The following PTPN13 variants were observed in gnomAD, a reference collection of about 807,000 sequenced individuals.
PTPN13 encodes protein tyrosine phosphatase non-receptor type 13.
A neutral mutation model predicts 284.0 loss-of-function variants in PTPN13; 191 were observed. The observed-to-expected ratio is 0.67, with a 90% CI of 0.60 to 0.76. The LOEUF (loss-of-function observed/expected upper bound fraction) is 0.76, where lower values mean the gene tolerates loss of function less well. PTPN13 is among the 30% of genes least tolerant of loss of function. The pLI, the probability that PTPN13 is intolerant of heterozygous loss-of-function variation, is 0.00. For synonymous variants in PTPN13, 986 were observed against 1,022.3 expected (o/e 0.96, Z 0.68); for missense variants, 2,797 against 2,939.9 (o/e 0.95, Z 1.12).
At chr4:86,608,966 G>T (rs1305338711) in intron 1 of PTPN13, among the ~76,000 whole-genome samples, 1 of 152,092 alleles carries the variant, frequency 6.6e-6, no homozygotes, top group African/African-American at 2.4e-5. Flanking sequence ...TTTCAGTAGG[G>T]CTGGATGCTT....
rs1481129455 is a variant in PTPN13 at position 86,771,335 on chromosome 4, T to C, written c.4968T>C (p.Ser1656=). The change falls in exon 31 of 48, where the codon AGT becomes AGC. Residue 1656 remains serine (S), a synonymous_variant. Transcript: ENST00000411767. ...GAAGAGACAGTTACAGTGACAGCAG[T>C]GGGAGTGGAGAAGATGACTTAGTGA... ...PSRRDSYSDS[S]GSGEDDLVTA... The C allele has an allele frequency of 6.3e-7, 1 of 1,595,456 alleles. No individual in the cohort carries two copies. The highest frequency in any genetic ancestry group is 8.5e-7 in the Non-Finnish European group (1 of 1,170,772).
At chr4:86,764,967 G>A (rs1356351072) in intron 25 of PTPN13, among the ~76,000 whole-genome samples, 4 of 152,104 alleles carry the variant, frequency 2.6e-5, no homozygotes, top group Admixed American at 2.0e-4. Context: ...TGCTTTATCT[G>A]AATATAAAAC....
In PTPN13 at chr4:86,686,705, C is replaced by T; in HGVS notation, c.295-5C>T. 1.3e-6 allele frequency: 2 copies of T among 1,535,648 alleles called. No homozygotes were observed. Among genetic ancestry groups the T allele is most frequent in the Non-Finnish European group, 1.8e-6 (2 of 1,132,236 alleles). ...AAAATTATTTCTTAAAAATTCTATT[C>T]CTAGATCCACATTTATTCTCTTGGA... is the stretch of plus-strand genomic sequence containing the variant. On this transcript the variant is annotated splice_polypyrimidine_tract_variant and splice_region_variant and intron_variant, in intron 3 of 47. Transcript: ENST00000411767.
intron 20 of PTPN13, among the ~76,000 whole-genome samples, chr4:86,754,878 T>C (rs1195612863): frequency 6.6e-6 from 1 of 152,044 alleles, no homozygotes; most frequent in African/African-American, 2.4e-5. Flanking sequence ...CACCTTCATA[T>C]AGAGGTATGC....
intron 46 of PTPN13, 114 bp downstream of exon 46, chr4:86,810,098 C>T: frequency 1.4e-6 from 1 of 736,764 alleles, no homozygotes; most frequent in South Asian, 2.4e-5. Flanking sequence ...TATATGACTG[C>T]CTTCATTTTC....
intron 10 of PTPN13, 117 bp downstream of exon 10, chr4:86,722,551 G>T: frequency 1.4e-6 from 1 of 719,144 alleles, no homozygotes; most frequent in Non-Finnish European, 2.4e-6. Flanking sequence ...AGATGAAACT[G>T]AAATCCCATA....
rs532975101 is a variant in PTPN13 at position 86,782,176 on chromosome 4, C to G, written c.5963-25C>G. 3.7e-4 allele frequency: 575 copies of G among 1,559,002 alleles called. 10 individuals are homozygous for G. In the South Asian group the frequency reaches 5.9e-3, roughly 16 times the overall value. On this transcript the variant is annotated intron_variant, in intron 36 of 47. Coordinates refer to ENST00000411767, the MANE Select transcript of PTPN13 (RefSeq NM_080683.3). ...CTTGTGGTTTGGATTGGCTCATCCC[C>G]TTACTTCCTATATTGTCCTTTCAGG...
At chr4:86,638,451 A>T (rs573491721) in intron 2 of PTPN13, among the ~76,000 whole-genome samples, 2 of 152,310 alleles carry the variant, frequency 1.3e-5, no homozygotes, top group Admixed American at 6.5e-5. Flanking sequence ...ACAGTAACCA[A>T]AACAGCATGG....
At chr4:86,627,886 A>G (rs113359491) in intron 1 of PTPN13, among the ~76,000 whole-genome samples, 1 of 152,224 alleles carries the variant, frequency 6.6e-6, no homozygotes, top group East Asian at 1.9e-4. Flanking sequence ...TGTCACATGT[A>G]TCAGTAATAA....
chr4:86,717,579 A>G (rs1343337783), intron 9 of PTPN13, among the ~76,000 whole-genome samples: 4 of 152,042 alleles, frequency 2.6e-5, no homozygotes, highest in Non-Finnish European at 4.4e-5. Context: ...GTTCTCAGAA[A>G]TTCATCAATT....
chr4:86,668,176 C>G (rs555230918), intron 2 of PTPN13, among the ~76,000 whole-genome samples: 1 of 152,256 alleles, frequency 6.6e-6, no homozygotes, highest in Admixed American at 6.5e-5. Context: ...CAGATTTACT[C>G]TTTCATAATA....
intron 1 of PTPN13, among the ~76,000 whole-genome samples, chr4:86,606,170 A>G (rs1764723133): frequency 6.6e-6 from 1 of 151,884 alleles, no homozygotes; most frequent in Non-Finnish European, 1.5e-5. Flanking sequence ...CTTTTTTAGA[A>G]CAAGCGCCAA....
intron 20 of PTPN13, among the ~76,000 whole-genome samples, chr4:86,755,301 T>C (rs1024064058): frequency 6.6e-6 from 1 of 151,824 alleles, no homozygotes; most frequent in Non-Finnish European, 1.5e-5. Context: ...AAAGGTGATA[T>C]GGAAAGGATT....
intron 40 of PTPN13, among the ~76,000 whole-genome samples, chr4:86,787,983 C>G (rs569160573): frequency 7.2e-5 from 11 of 152,232 alleles, no homozygotes; most frequent in African/African-American, 2.4e-4. Context: ...CAAATACATG[C>G]ATTGAGAATA....
At chr4:86,688,905 G>A in intron 4 of PTPN13, 100 bp from the exon 5 acceptor site, 2 of 834,886 alleles carry the variant, frequency 2.4e-6, no homozygotes, top group Middle Eastern at 2.4e-4. Context: ...TATGTGAAGT[G>A]TGTTTTAGTG....
At chr4:86,639,053 G>T (rs895330097) in intron 2 of PTPN13, among the ~76,000 whole-genome samples, 1 of 152,122 alleles carries the variant, frequency 6.6e-6, no homozygotes, top group South Asian at 2.1e-4. Flanking sequence ...AGACATTTAC[G>T]CAGCCAAAAG....
At position 86,814,615 on chromosome 4, in the gene PTPN13, C is replaced by T; in HGVS notation, c.*64C>T. On this transcript the variant is annotated 3_prime_UTR_variant, in exon 48 of 48. Transcript: ENST00000411767. ...TTAACCTCCAGCAGACTCCTGCTCTCTATCCAAAATAAAGATCACAGAGCA... is the reference window on the plus strand; with the variant it reads ...TTAACCTCCAGCAGACTCCTGCTCTTTATCCAAAATAAAGATCACAGAGCA... 4 of 1,308,008 alleles carry T rather than the reference C, an allele frequency of 3.1e-6. No individual in the cohort carries two copies. The East Asian group carries it at 7.0e-5, about 23-fold the overall frequency. 81.0% of individuals were successfully genotyped at this position (1,308,008 alleles called of 1,614,324 possible).
At chr4:86,658,153 G>A (rs1239723275) in intron 2 of PTPN13, among the ~76,000 whole-genome samples, 2 of 152,300 alleles carry the variant, frequency 1.3e-5, no homozygotes, top group East Asian at 3.9e-4. Flanking sequence ...TTCCCCTGTG[G>A]CCCACTGGTA....
chr4:86,759,351 C>T (rs1285166280), intron 23 of PTPN13, among the ~76,000 whole-genome samples: 1 of 152,202 alleles, frequency 6.6e-6, no homozygotes, highest in African/African-American at 2.4e-5. Flanking sequence ...AATTTTAAAA[C>T]AAAACCATAT....
Sources: gnomAD v4.1 joint callset for allele counts (sites outside exome capture counted in the v4.1 genomes callset) on GRCh38, gnomAD v4.1.1 for gene constraint, MANE v1.5 for transcripts, NCBI Gene and HGNC (gene_info 2026-07-23, HGNC 2026-07-21) for gene names.